Variants in RAD9A observed in about 807,000 individuals in gnomAD.
The protein encoded by RAD9A is RAD9 checkpoint clamp component A.
In RAD9A, 25 loss-of-function variants were observed where a neutral mutation model predicts 41.2. The observed-to-expected ratio is 0.61, with a 90% CI of 0.44 to 0.85. RAD9A has a LOEUF of 0.85. RAD9A is among the 40% of genes least tolerant of loss of function. The pLI is 0.00. For missense variants in RAD9A, 514 were observed against 518.3 expected (o/e 0.99, Z 0.08); for synonymous variants, 252 against 210.6 (o/e 1.20, Z -1.70).
rs1337065672 is a variant in RAD9A, at chr11:67,393,500, T to G, written c.239T>G (p.Phe80Cys). 5 of 1,614,124 alleles carry G rather than the reference T, an allele frequency of 3.1e-6. No individual in the cohort carries two copies. Among genetic ancestry groups the G allele is most frequent in the Non-Finnish European group, 4.2e-6 (5 of 1,180,016 alleles). ...LLRCKILMKS[F>C]LSVFRSLAML... ...GAGGTGTCTTATCCCATGCAGTCTT[T>G]CCTGTCTGTCTTCCGCTCACTGGCG... The change falls in exon 4 of 11, where the codon TTC becomes TGC. Residue 80 changes from phenylalanine to cysteine, a missense_variant. Coordinates refer to ENST00000307980, the MANE Select transcript of RAD9A (RefSeq NM_004584.3).
chr11:67,394,529 T>C (rs1200679045), intron 5 of RAD9A, among the ~76,000 whole-genome samples: 1 of 152,298 alleles, frequency 6.6e-6, no homozygotes, highest in East Asian at 1.9e-4. Flanking sequence ...TCCTGACATC[T>C]GTTTCCCCAG....
chr11:67,396,133 C>T lies in RAD9A; in HGVS notation c.692C>T (p.Ser231Leu), dbSNP rs758556468. The T allele has an allele frequency of 6.2e-7, 1 of 1,614,060 alleles. No homozygotes were observed. Among genetic ancestry groups the T allele is most frequent in the Non-Finnish European group, 8.5e-7 (1 of 1,179,918 alleles). The change falls in exon 8 of 11, where the codon TCA becomes TTA. Residue 231 changes from serine to leucine, a missense_variant. Around this residue, in one of 3 missense-constraint regions of RAD9A, gnomAD observed 30 missense variants for 54.8 expected, o/e 0.55. Coordinates refer to ENST00000307980, the MANE Select transcript of RAD9A (RefSeq NM_004584.3). Reference sequence around the variant, plus strand: ...CAGGGGCTCCTGAGCTTTGCAGAGTCAGCAAACTTGAATCTTAGCATTCAT... The same window carrying T: ...CAGGGGCTCCTGAGCTTTGCAGAGTTAGCAAACTTGAATCTTAGCATTCAT... ...EFRGLLSFAESANLNLSIHFD... is the reference protein window; with the variant it reads ...EFRGLLSFAELANLNLSIHFD...
At chr11:67,396,054 C>A in intron 7 of RAD9A, 33 bp downstream of exon 7, 1 of 1,613,472 alleles carries the variant, frequency 6.2e-7, no homozygotes, top group Non-Finnish European at 8.5e-7. Context: ...GCCGTCCTGT[C>A]CTCCCTGCCC....
At chr11:67,397,086 T>TC in intron 9 of RAD9A, 93 bp from the exon 10 acceptor site, 1 of 894,530 alleles carries the variant, frequency 1.1e-6, no homozygotes, top group South Asian at 1.5e-5. Context: ...TCTCCAGTGG[T>TC]CGGGGGCCCC....
Position 67,392,964 on chromosome 11 carries a change from C to T in RAD9A, c.234+182C>T, listed in dbSNP as rs1862573517. 6.6e-6 allele frequency: 6 copies of T among 910,284 alleles called. No homozygotes were observed. The South Asian group carries it at 8.5e-5, about 13-fold the overall frequency. 56.4% of individuals were successfully genotyped at this position (910,284 alleles called of 1,614,324 possible). Reference sequence around the variant, plus strand: ...CAGCGGGGACCTGAGAGGGTGGTGACGCTCAAGTTCGTCAAGAAAGGTAAG... The same window carrying T: ...CAGCGGGGACCTGAGAGGGTGGTGATGCTCAAGTTCGTCAAGAAAGGTAAG... On this transcript the variant is annotated intron_variant, in intron 3 of 10. Transcript: ENST00000307980.
Position 67,396,147 on chromosome 11 carries a change from C to T in RAD9A, c.706C>T (p.Leu236Phe), listed in dbSNP as rs185216264. ...CTTTGCAGAGTCAGCAAACTTGAAT[C>T]TTAGCATTCATTTTGATGCTCCAGG... is the stretch of plus-strand genomic sequence containing the variant. ...LSFAESANLN[L>F]SIHFDAPGRP... Residue 236 changes from leucine to phenylalanine, a missense_variant, in exon 8 of 11, where the codon CTT (leucine) becomes TTT (phenylalanine). Transcript: ENST00000307980. 3.3e-5 allele frequency: 54 copies of T among 1,614,002 alleles called. No homozygotes were observed. Among genetic ancestry groups the T allele is most frequent in the Admixed American group, 1.2e-4 (7 of 60,028 alleles).
In RAD9A at chr11:67,393,510, C is replaced by A; in HGVS notation, c.249C>A (p.Val83=). 6.2e-7 allele frequency: 1 copy of A among 1,614,210 alleles called. No homozygotes were observed. The highest frequency in any genetic ancestry group is 1.1e-5 in the South Asian group (1 of 91,082). Residue 83 remains valine (V), a synonymous_variant, in exon 4 of 11, where the codon GTC becomes GTA. Transcript: ENST00000307980. ...ATCCCATGCAGTCTTTCCTGTCTGT[C>A]TTCCGCTCACTGGCGATGCTGGAGA... ...CKILMKSFLS[V]FRSLAMLEKT...
Position 67,397,456 on chromosome 11 carries a change from C to T in RAD9A, c.1081-8C>T, listed in dbSNP as rs200379938. The T allele has an allele frequency of 1.7e-4, 273 of 1,607,626 alleles. No individual in the cohort carries two copies. In the Middle Eastern group the frequency reaches 6.0e-3, roughly 35 times the overall value. ...GCAGCCTCCAGAACTCACTTGTTCT[C>T]TTTCCAGTTCCGCTCACTGTTCTTC... is the stretch of plus-strand genomic sequence containing the variant. On this transcript the variant is annotated splice_polypyrimidine_tract_variant and splice_region_variant and intron_variant, in intron 10 of 10. Transcript: ENST00000307980.
At chr11:67,392,967 T>G in intron 3 of RAD9A, 185 bp downstream of exon 3, 1 of 883,788 alleles carries the variant, frequency 1.1e-6, no homozygotes, top group East Asian at 3.0e-5. Context: ...GTGGTGACGC[T>G]CAAGTTCGTC....
intron 7 of RAD9A, 30 bp from the exon 8 acceptor site, chr11:67,396,081 G>C: frequency 6.2e-7 from 1 of 1,613,256 alleles, no homozygotes; most frequent in Non-Finnish European, 8.5e-7. Context: ...GCCCAGCCCG[G>C]GGCCTCACCT....
chr11:67,392,262 G>GGT, intron 2 of RAD9A, 31 bp downstream of exon 2: 3 of 600,782 alleles, frequency 5.0e-6, no homozygotes. Flanking sequence ...GGGCGGGTGG[G>GGT]ACTCCAGCCG....
chr11:67,394,155 T>A (rs1862616181), intron 5 of RAD9A, among the ~76,000 whole-genome samples: 1 of 152,226 alleles, frequency 6.6e-6, no homozygotes, highest in Non-Finnish European at 1.5e-5. Flanking sequence ...CTTGAAGGTC[T>A]GCCCATAACC....
rs146320841 is a variant in RAD9A at position 67,397,190 on chromosome 11, C to G, written c.884C>G (p.Pro295Arg). 2.5e-6 allele frequency: 4 copies of G among 1,613,174 alleles called. No homozygotes were observed. Among genetic ancestry groups the G allele is most frequent in the East Asian group, 4.5e-5 (2 of 44,880 alleles). The change falls in exon 10 of 11, where the codon CCG (proline) becomes CGG (arginine). Residue 295 changes from proline to arginine, a missense_variant. Pro to Arg is a moderately radical substitution (Grantham distance 103, BLOSUM62 -2). Coordinates refer to ENST00000307980, the MANE Select transcript of RAD9A (RefSeq NM_004584.3). ...PQLQAHSTPH[P>R]DDFANDDIDS... The stretch of plus-strand genomic sequence containing the variant: ...GATTCTGCCTACAGCACACCCCACC[C>G]GGACGACTTTGCCAATGACGACATT...
At position 67,395,702 on chromosome 11, in the gene RAD9A, C is replaced by T. The variant is rs983690477; in HGVS notation, c.450-14C>T. The T allele has an allele frequency of 1.3e-6, 2 of 1,572,632 alleles. No individual in the cohort carries two copies. Among genetic ancestry groups the T allele is most frequent in the Admixed American group, 1.9e-5 (1 of 54,030 alleles). The stretch of plus-strand genomic sequence containing the variant: ...GGGCCAGGCATTTCGGGTAATGCTC[C>T]ACCCTGTTCACAGGGTTCTGGGGGA... On this transcript the variant is annotated splice_polypyrimidine_tract_variant and intron_variant, in intron 5 of 10. Coordinates refer to ENST00000307980, the MANE Select transcript of RAD9A (RefSeq NM_004584.3).
At chr11:67,397,103 C>T in intron 9 of RAD9A, 76 bp from the exon 10 acceptor site, 1 of 1,174,696 alleles carries the variant, frequency 8.5e-7, no homozygotes, top group Admixed American at 1.8e-5. Flanking sequence ...CCCCAGAGCT[C>T]CCTTCGAGCC....
chr11:67,392,243 G>C lies in RAD9A; in HGVS notation c.105+12G>C, dbSNP rs749408664. On this transcript the variant is annotated intron_variant, in intron 2 of 10. Transcript: ENST00000307980. ...CCTTGGAGGACGGGGTGAGGGGCTA[G>C]GGTGTGGGGGGCGGGTGGGACTCCA... 7 of 1,550,456 alleles carry C rather than the reference G, an allele frequency of 4.5e-6. No homozygotes were observed. In the African/African-American group the frequency reaches 9.5e-5, roughly 21 times the overall value.
intron 3 of RAD9A, chr11:67,393,178 G>C: frequency 1.6e-6 from 1 of 644,124 alleles, no homozygotes. Context: ...TACTCGGGAG[G>C]CTGAGGCAGG....
intron 9 of RAD9A, 140 bp from the exon 10 acceptor site, chr11:67,397,039 C>A: frequency 1.6e-6 from 1 of 633,096 alleles, no homozygotes; most frequent in African/African-American, 1.8e-5. Context: ...GCATCCTCTC[C>A]TCTCCAGCCA....
At chr11:67,392,258 G>GGGGGGT in intron 2 of RAD9A, 27 bp downstream of exon 2, 3 of 1,319,210 alleles carry the variant, frequency 2.3e-6, no homozygotes, top group East Asian at 2.4e-5. Context: ...TGGGGGGCGG[G>GGGGGGT]TGGGACTCCA....
Sources: gnomAD v4.1 joint callset for allele counts (sites outside exome capture counted in the v4.1 genomes callset) on GRCh38, gnomAD v4.1.1 for gene constraint, gnomAD v4.1.1 regional missense constraint, MANE v1.5 for transcripts, NCBI Gene and HGNC (gene_info 2026-07-23, HGNC 2026-07-21) for gene names.